Variants in WDR27 observed in about 807,000 individuals in gnomAD.
WDR27 encodes WD repeat domain 27, also known as WD repeat-containing protein 27.
A neutral mutation model predicts 114.4 loss-of-function variants in WDR27; 100 were observed. That is an observed-to-expected ratio of 0.87 (90% CI 0.74 to 1.03). The LOEUF is 1.03. WDR27 is among the 50% of genes least tolerant of loss of function. The probability of loss-of-function intolerance (pLI) is 0.00; values close to 1 mark genes in which losing one functional copy is unlikely to be tolerated. For synonymous variants in WDR27, 449 were observed against 423.1 expected, an observed-to-expected ratio of 1.06 and a Z score of -0.75; for missense variants, 1,129 against 1,092.9, an observed-to-expected ratio of 1.03 and a Z score of -0.47.
intron 21 of WDR27, among the ~76,000 whole-genome samples, chr6:169,626,474 C>T (rs1437255590): frequency 2.6e-5 from 4 of 152,148 alleles, no homozygotes; most frequent in Non-Finnish European, 1.5e-5. Flanking sequence ...CCAGGCCCCT[C>T]CTGCTGGTGC....
intron 24 of WDR27, among the ~76,000 whole-genome samples, chr6:169,573,383 A>C (rs1801759882): frequency 6.6e-6 from 1 of 152,228 alleles, no homozygotes; most frequent in South Asian, 2.1e-4. Flanking sequence ...ATTTCATTAC[A>C]GTTGACCCCT....
intron 21 of WDR27, among the ~76,000 whole-genome samples, chr6:169,629,269 T>C (rs1195027099): frequency 6.6e-6 from 1 of 152,192 alleles, no homozygotes; most frequent in Non-Finnish European, 1.5e-5. Flanking sequence ...AATTATATTT[T>C]GCATTTGCAA....
chr6:169,613,040 T>G (rs1478289048), intron 22 of WDR27, among the ~76,000 whole-genome samples: 1 of 152,260 alleles, frequency 6.6e-6, no homozygotes, highest in Non-Finnish European at 1.5e-5. Flanking sequence ...TTTCTAACTT[T>G]TATAAAATGT....
At chr6:169,525,500 T>G (rs1794850511) in intron 25 of WDR27, among the ~76,000 whole-genome samples, 1 of 135,244 alleles carries the variant, frequency 7.4e-6, no homozygotes, top group African/African-American at 2.9e-5. Context: ...TGGGCCACTG[T>G]ACTCCAGCCT....
chr6:169,516,889 C>A (rs1399300151), intron 25 of WDR27, among the ~76,000 whole-genome samples: 1 of 150,720 alleles, frequency 6.6e-6, no homozygotes, highest in African/African-American at 2.4e-5. Flanking sequence ...TTTAGGAAAA[C>A]ATCTGTCCTG....
chr6:169,640,666 T>C (rs1482983951), intron 17 of WDR27, among the ~76,000 whole-genome samples: 2 of 152,238 alleles, frequency 1.3e-5, no homozygotes, highest in Non-Finnish European at 2.9e-5. Context: ...AGACACCTGC[T>C]GCAGGGCCTG....
At chr6:169,606,602 T>C (rs528321947) in intron 22 of WDR27, among the ~76,000 whole-genome samples, 2 of 152,322 alleles carry the variant, frequency 1.3e-5, no homozygotes. Flanking sequence ...CTGAGGATAA[T>C]GGCTTCCAGC....
chr6:169,641,095 G>C (rs531208386), intron 17 of WDR27, among the ~76,000 whole-genome samples: 5 of 152,318 alleles, frequency 3.3e-5, no homozygotes, highest in African/African-American at 1.2e-4. Flanking sequence ...CAATGCAGGG[G>C]TTGCGAAGTG....
At chr6:169,597,874 TCATACA>T (rs1554302995) in intron 23 of WDR27, among the ~76,000 whole-genome samples, 1 of 82,356 alleles carries the variant, frequency 1.2e-5, no homozygotes, top group East Asian at 1.0e-3. Flanking sequence ...CTCTTACCAT[TCATACA>T]CACACACACA....
intron 25 of WDR27, among the ~76,000 whole-genome samples, chr6:169,531,501 T>G (rs933877700): frequency 1.3e-5 from 2 of 152,186 alleles, no homozygotes; most frequent in Non-Finnish European, 2.9e-5. Flanking sequence ...GGCAGCAGAC[T>G]CCTGCAGAAT....
intron 2 of WDR27, among the ~76,000 whole-genome samples, chr6:169,674,193 G>A (rs932380300): frequency 2.6e-5 from 4 of 152,054 alleles, no homozygotes; most frequent in African/African-American, 4.8e-5. Flanking sequence ...GGTATTCAAG[G>A]AGACAAGACC....
At chr6:169,553,159 A>G (rs73792938) in intron 25 of WDR27, among the ~76,000 whole-genome samples, 2,455 of 151,652 alleles carry the variant, frequency 0.016, 64 homozygotes, top group African/African-American at 0.056. Flanking sequence ...ACTGTGGGAC[A>G]GCAGCATCCA....
At chr6:169,532,827 A>T (rs1049869165) in intron 25 of WDR27, among the ~76,000 whole-genome samples, 7 of 142,148 alleles carry the variant, frequency 4.9e-5, no homozygotes, top group Admixed American at 3.5e-4. Context: ...ACTTAAAATT[A>T]AAAAAAAAAA....
chr6:169,546,701 G>A (rs1181589483), intron 25 of WDR27, among the ~76,000 whole-genome samples: 1 of 152,154 alleles, frequency 6.6e-6, no homozygotes, highest in Admixed American at 6.5e-5. Flanking sequence ...GCTTAGCATG[G>A]ATGCAATGGT....
chr6:169,682,250 G>A (rs1162304640), intron 2 of WDR27, among the ~76,000 whole-genome samples: 2 of 152,190 alleles, frequency 1.3e-5, no homozygotes, highest in Non-Finnish European at 2.9e-5. Context: ...CCCAGTCTCA[G>A]TTCTGGCCCC....
In WDR27 at chr6:169,659,377, A is replaced by C; in HGVS notation, c.1197+74T>G. Reference sequence around the variant, plus strand: ...AATCCCGTTTACTCAGCCAGTCGTTACAGGATCACTCTGAAGAAAGAAGAA... The same window carrying C: ...AATCCCGTTTACTCAGCCAGTCGTTCCAGGATCACTCTGAAGAAAGAAGAA... On this transcript the variant is annotated intron_variant, in intron 11 of 25. Coordinates refer to ENST00000448612, the MANE Select transcript of WDR27 (RefSeq NM_182552.5). The surrounding 1 kb of genome is among the most constrained non-coding windows in gnomAD (Gnocchi z 4.3). The C allele has an allele frequency of 1.9e-6, 3 of 1,591,464 alleles. No homozygotes were observed. The highest frequency in any genetic ancestry group is 2.6e-6 in the Non-Finnish European group (3 of 1,164,776).
At chr6:169,622,537 G>A (rs1298519051) in intron 21 of WDR27, among the ~76,000 whole-genome samples, 1 of 152,214 alleles carries the variant, frequency 6.6e-6, no homozygotes, top group African/African-American at 2.4e-5. Context: ...TTCACTGAAT[G>A]TTTATAGAAA....
rs759957539 is a variant in WDR27 at position 169,660,777 on chromosome 6, G to GA, written c.1026-12dup. 277 of 1,607,944 alleles carry GA rather than the reference G, an allele frequency of 1.7e-4. No individual in the cohort carries two copies. Among genetic ancestry groups the GA allele is most frequent in the Admixed American group, 3.2e-4 (19 of 59,732 alleles). ...TTCTCAGAAGAAAGACTGATTTAAG[G>GA]AAAAAAAGAAAAGAATACACAATAA... On this transcript the variant is annotated splice_polypyrimidine_tract_variant and intron_variant, in intron 9 of 25. Transcript: ENST00000448612.
intron 23 of WDR27, among the ~76,000 whole-genome samples, chr6:169,590,488 C>T (rs1740050789): frequency 1.3e-5 from 2 of 152,222 alleles, no homozygotes; most frequent in African/African-American, 4.8e-5. Context: ...AACAAAGTCA[C>T]ACTAAGACAG....
Sources: allele counts gnomAD v4.1 joint callset (sites outside exome capture counted in the v4.1 genomes callset), GRCh38; gene constraint gnomAD v4.1.1; non-coding constraint Gnocchi (gnomAD v3.1); transcripts MANE v1.5; gene names NCBI Gene and HGNC (gene_info 2026-07-23, HGNC 2026-07-21).